The following CDK5RAP2 variants were observed in gnomAD, a reference collection of about 807,000 sequenced individuals.
CDK5RAP2 encodes the protein CDK5 regulatory subunit-associated protein 2.
In CDK5RAP2, 147 loss-of-function variants were observed where a neutral mutation model predicts 232.9. The observed-to-expected ratio is 0.63, with a 90% confidence interval of 0.55 to 0.72. CDK5RAP2 has a LOEUF of 0.72. Ranked by LOEUF, CDK5RAP2 falls within the 30% of genes least tolerant of loss-of-function variation. The pLI, the probability that CDK5RAP2 is intolerant of heterozygous loss-of-function variation, is 0.00. For synonymous variants in CDK5RAP2, 833 were observed against 833.7 expected (o/e 1.00, Z 0.01); for missense variants, 2,195 against 2,231.5 (o/e 0.98, Z 0.33).
intron 3 of CDK5RAP2, among the ~76,000 whole-genome samples, chr9:120,566,587 C>T (rs1482698146): frequency 2.0e-5 from 3 of 152,194 alleles, no homozygotes; most frequent in Admixed American, 2.0e-4. Context: ...ATGGCAAACA[C>T]ATAGAATGTA....
chr9:120,510,158 T>G (rs368131082), intron 12 of CDK5RAP2, among the ~76,000 whole-genome samples: 28 of 152,310 alleles, frequency 1.8e-4, no homozygotes, highest in African/African-American at 6.5e-4. Context: ...TATCCATCAA[T>G]GAGTACATGT....
intron 28 of CDK5RAP2, among the ~76,000 whole-genome samples, chr9:120,413,160 G>A (rs1375115798): frequency 1.3e-5 from 2 of 152,196 alleles, no homozygotes; most frequent in African/African-American, 4.8e-5. Flanking sequence ...CAAAGCTAAG[G>A]TGGTAGCTTT....
At chr9:120,433,518 G>A (rs184138470) in intron 25 of CDK5RAP2, among the ~76,000 whole-genome samples, 5 of 152,266 alleles carry the variant, frequency 3.3e-5, no homozygotes, top group Admixed American at 2.6e-4. Context: ...ATTTCCCAAG[G>A]TACACAGCTT....
At position 120,575,586 on chromosome 9, in the gene CDK5RAP2, C is replaced by T. The variant is rs10818469; in HGVS notation, c.60-3545G>A. 7.9e-3 allele frequency among the ~76,000 whole-genome samples: 1,195 copies of T among 151,900 alleles called. 52 individuals carry two copies. Among genetic ancestry groups the T allele is most frequent in the Admixed American group, 0.056 (862 of 15,290 alleles). Reference sequence around the variant, plus strand: ...GAGACCAGATATCACATTCTGACAACGATTACACAAACAAACTCACTTTTG... The same window carrying T: ...GAGACCAGATATCACATTCTGACAATGATTACACAAACAAACTCACTTTTG... On this transcript the variant is annotated intron_variant, in intron 1 of 37. Transcript: ENST00000349780.
chr9:120,507,310 T>C (rs1291632208), intron 12 of CDK5RAP2, among the ~76,000 whole-genome samples: 3 of 152,232 alleles, frequency 2.0e-5, no homozygotes, highest in African/African-American at 7.2e-5. Flanking sequence ...TAATATCTCC[T>C]GAGGGACGTC....
Position 120,407,034 on chromosome 9 carries a change from C to A in CDK5RAP2, c.4941G>T (p.Val1647=), listed in dbSNP as rs1416491328. 6.2e-7 allele frequency: 1 copy of A among 1,613,814 alleles called. No individual in the cohort carries two copies. The highest frequency in any genetic ancestry group is 8.5e-7 in the Non-Finnish European group (1 of 1,179,842). Residue 1647 remains valine, a synonymous_variant, in exon 32 of 38, where the codon GTG becomes GTT. Transcript: ENST00000349780. ...TACCGTGTTTGTCAGGCTGAAGGGGCACCTCAGGGATGGACACGGCTTGGA... is the reference window on the plus strand; with the variant it reads ...TACCGTGTTTGTCAGGCTGAAGGGGAACCTCAGGGATGGACACGGCTTGGA... ...LAVQAVSIPE[V]PLQPDKHDGD... is the part of the protein sequence containing the mutation.
intron 14 of CDK5RAP2, among the ~76,000 whole-genome samples, chr9:120,481,885 A>G (rs540410573): frequency 6.6e-6 from 1 of 152,336 alleles, no homozygotes; most frequent in South Asian, 2.1e-4. Flanking sequence ...AAGAGATTAA[A>G]TGAGTTAATC....
At position 120,579,921 on chromosome 9, in the gene CDK5RAP2, T is replaced by C; in HGVS notation, c.58A>G (p.Ser20Gly). ...VTVPGTLSGC[S>G]GLVPSVPDDL... is the part of the protein sequence containing the mutation. The stretch of plus-strand genomic sequence containing the variant: ...CGACCACCAATGCCCCGGCCGCACC[T>C]GCAGCCGCTGAGCGTCCCAGGGACG... Residue 20 changes from serine (S) to glycine (G), a missense_variant and splice_region_variant, in exon 1 of 38, where the codon AGT becomes GGT. Ser to Gly is a moderately conservative substitution (Grantham distance 56). Coordinates refer to ENST00000349780, the MANE Select transcript of CDK5RAP2 (RefSeq NM_018249.6). 6.2e-7 allele frequency: 1 copy of C among 1,612,718 alleles called. No homozygotes were observed. The highest frequency in any genetic ancestry group is 8.5e-7 in the Non-Finnish European group (1 of 1,178,828).
At chr9:120,550,664 A>C in intron 4 of CDK5RAP2, 128 bp downstream of exon 4, 1 of 728,924 alleles carries the variant, frequency 1.4e-6, no homozygotes, top group Non-Finnish European at 2.5e-6. Context: ...TGCTCCCCAT[A>C]ATCAATTCAG....
At chr9:120,400,619 C>G (rs2032921721) in intron 35 of CDK5RAP2, 123 bp downstream of exon 35, 3 of 1,193,720 alleles carry the variant, frequency 2.5e-6, no homozygotes, top group Middle Eastern at 5.7e-4. Flanking sequence ...GGTGCCATCT[C>G]CTCCCTAATA....
chr9:120,420,033 A>T, intron 26 of CDK5RAP2, 73 bp from the exon 27 acceptor site: 1 of 1,174,058 alleles, frequency 8.5e-7, no homozygotes, highest in Non-Finnish European at 1.3e-6. Flanking sequence ...ACTTACGAAT[A>T]CTTACGATTA....
At chr9:120,422,459 T>C (rs950565679) in intron 26 of CDK5RAP2, among the ~76,000 whole-genome samples, 1 of 152,158 alleles carries the variant, frequency 6.6e-6, no homozygotes, top group Non-Finnish European at 1.5e-5. Context: ...CTGGTTCAAA[T>C]CACCTGATAG....
chr9:120,440,003 T>A (rs2035807184), intron 23 of CDK5RAP2, 31 bp from the exon 24 acceptor site: 1 of 1,591,722 alleles, frequency 6.3e-7, no homozygotes, highest in Admixed American at 1.7e-5. Flanking sequence ...TGTCAGTATC[T>A]CTTTTACTAA....
intron 25 of CDK5RAP2, among the ~76,000 whole-genome samples, chr9:120,425,564 T>C (rs1366739116): frequency 1.3e-5 from 2 of 152,252 alleles, no homozygotes; most frequent in Non-Finnish European, 2.9e-5. Context: ...AAGACTATTA[T>C]GCCAGACAAA....
At chr9:120,458,996 T>C (rs976943248) in intron 19 of CDK5RAP2, among the ~76,000 whole-genome samples, 4 of 152,182 alleles carry the variant, frequency 2.6e-5, no homozygotes, top group African/African-American at 9.6e-5. Flanking sequence ...ACAATGGAAA[T>C]GTGTTCTCCC....
At chr9:120,518,377 T>C (rs763021076) in intron 12 of CDK5RAP2, 50 bp downstream of exon 12, 17 of 1,480,730 alleles carry the variant, frequency 1.1e-5, no homozygotes, top group East Asian at 2.3e-5. Context: ...CACAGCCACA[T>C]AGCCCCAAAA....
intron 3 of CDK5RAP2, among the ~76,000 whole-genome samples, chr9:120,564,812 C>T (rs1163112762): frequency 2.0e-5 from 3 of 152,168 alleles, no homozygotes; most frequent in Non-Finnish European, 4.4e-5. Flanking sequence ...TGGGTCTTCC[C>T]TACTCACCCA....
Position 120,453,547 on chromosome 9 carries a change from G to A in CDK5RAP2, c.2702C>T (p.Thr901Ile). ...TGGCCGATGCTCTGCGCTGAGTGCA[G>A]TGTTGATCGGTTTCTCTTCCCAAGC... ...REAWEEKPINTALSAEHRPEN... is the reference protein window; with the variant it reads ...REAWEEKPINIALSAEHRPEN... Residue 901 changes from threonine (T) to isoleucine (I), a missense_variant, in exon 21 of 38, where the codon ACT becomes ATT. Coordinates refer to ENST00000349780, the MANE Select transcript of CDK5RAP2 (RefSeq NM_018249.6). The A allele has an allele frequency of 6.2e-7, 1 of 1,614,200 alleles. No homozygotes were observed. The highest frequency in any genetic ancestry group is 8.5e-7 in the Non-Finnish European group (1 of 1,180,032).
At chr9:120,570,789 A>G (rs530837414) in intron 2 of CDK5RAP2, among the ~76,000 whole-genome samples, 1 of 151,978 alleles carries the variant, frequency 6.6e-6, no homozygotes, top group African/African-American at 2.4e-5. Context: ...CAGTGAGCCG[A>G]GATCACACCA....
Sources: gnomAD v4.1 joint callset for allele counts (sites outside exome capture counted in the v4.1 genomes callset) on GRCh38, gnomAD v4.1.1 for gene constraint, MANE v1.5 for transcripts, NCBI Gene and HGNC (gene_info 2026-07-23, HGNC 2026-07-21) for gene names.